Variants in CAMK2D observed in about 807,000 individuals in gnomAD.
The protein encoded by CAMK2D is calcium/calmodulin dependent protein kinase II delta.
In CAMK2D, 37 loss-of-function variants were observed where a neutral mutation model predicts 84.0. That is an observed-to-expected ratio of 0.44 (90% CI 0.34 to 0.58). The LOEUF is 0.58. CAMK2D is among the 20% of genes least tolerant of loss of function. The pLI, the probability that CAMK2D is intolerant of heterozygous loss-of-function variation, is 0.02. For missense variants in CAMK2D, 448 were observed against 652.5 expected (o/e 0.69, Z 3.41); for synonymous variants, 202 against 212.5 (o/e 0.95, Z 0.43).
chr4:113,761,116 G>GAGC lies in CAMK2D; in HGVS notation c.-51_-49dup. 1 of 1,612,256 alleles carries GAGC rather than the reference G, an allele frequency of 6.2e-7. No homozygotes were observed. The highest frequency in any genetic ancestry group is 8.5e-7 in the Non-Finnish European group (1 of 1,179,894). On this transcript the variant is annotated 5_prime_UTR_variant, in exon 1 of 21. Coordinates refer to ENST00000511664, the MANE Select transcript of CAMK2D (RefSeq NM_001321571.2). Reference sequence around the variant, plus strand: ...GCTGGGAGCGCGACGGACCAGAAGCGAGCAGACGCGCGGCTAACCCCGGGA... The same window carrying GAGC: ...GCTGGGAGCGCGACGGACCAGAAGCGAGCAGCAGACGCGCGGCTAACCCCGGGA...
At chr4:113,506,255 A>C (rs1353152032) in intron 13 of CAMK2D, among the ~76,000 whole-genome samples, 2 of 152,168 alleles carry the variant, frequency 1.3e-5, no homozygotes, top group Non-Finnish European at 2.9e-5. Flanking sequence ...AAAGTAACAT[A>C]AATTAATTTA....
chr4:113,752,469 C>A (rs1328951637), intron 2 of CAMK2D, among the ~76,000 whole-genome samples: 11 of 151,908 alleles, frequency 7.2e-5, no homozygotes, highest in African/African-American at 2.2e-4. Flanking sequence ...TAAGAATTTG[C>A]TACATACAAC....
chr4:113,653,334 A>G (rs1026440219), intron 3 of CAMK2D, among the ~76,000 whole-genome samples: 1 of 152,110 alleles, frequency 6.6e-6, no homozygotes, highest in Non-Finnish European at 1.5e-5. Context: ...CTCACCAAAT[A>G]ATCATAATAA....
chr4:113,708,669 G>A (rs1246189776), intron 2 of CAMK2D, among the ~76,000 whole-genome samples: 2 of 152,170 alleles, frequency 1.3e-5, no homozygotes, highest in Non-Finnish European at 2.9e-5. Context: ...ACTCATAAAT[G>A]TGCTATCAAA....
intron 4 of CAMK2D, among the ~76,000 whole-genome samples, chr4:113,582,966 A>G (rs1352656331): frequency 1.3e-5 from 2 of 152,204 alleles, no homozygotes; most frequent in Non-Finnish European, 2.9e-5. Context: ...GGCATTCCCT[A>G]TTGGGGCAGA....
chr4:113,487,597 CAT>C (rs1161461323), intron 16 of CAMK2D, among the ~76,000 whole-genome samples: 1 of 151,886 alleles, frequency 6.6e-6, no homozygotes, highest in Non-Finnish European at 1.5e-5. Flanking sequence ...ACTTTAGAAA[CAT>C]AAAATTTGAC....
chr4:113,741,203 G>A (rs372482814), intron 2 of CAMK2D, among the ~76,000 whole-genome samples: 1 of 152,110 alleles, frequency 6.6e-6, no homozygotes, highest in East Asian at 1.9e-4. Flanking sequence ...TTCAGCAAAG[G>A]AAACTGTGCT....
chr4:113,738,808 A>G (rs1191245858), intron 2 of CAMK2D, among the ~76,000 whole-genome samples: 5 of 152,156 alleles, frequency 3.3e-5, no homozygotes, highest in African/African-American at 1.2e-4. Context: ...AAGGCTATTA[A>G]TCCAGCCTAG....
chr4:113,534,826 G>C (rs2098478976), intron 7 of CAMK2D, among the ~76,000 whole-genome samples: 1 of 152,160 alleles, frequency 6.6e-6, no homozygotes, highest in Non-Finnish European at 1.5e-5. Flanking sequence ...AAAGAGGATA[G>C]TGACCTCACA....
chr4:113,721,576 G>A (rs535708446), intron 2 of CAMK2D, among the ~76,000 whole-genome samples: 1 of 152,228 alleles, frequency 6.6e-6, no homozygotes, highest in East Asian at 1.9e-4. Context: ...GTTCATGTGG[G>A]GACCCACTTG....
In CAMK2D at chr4:113,453,596, A is replaced by T. The variant is rs1389736489; in HGVS notation, c.*949T>A. ...GGCCCTGAAGATGATCAAAAGTGCT[A>T]GTATAGCTACCTTCAAAAGACTTTT... On this transcript the variant is annotated 3_prime_UTR_variant, in exon 21 of 21. Transcript: ENST00000511664. 1 of 152,220 alleles carries T rather than the reference A, an allele frequency of 6.6e-6. No individual in the cohort carries two copies. The highest frequency in any genetic ancestry group is 1.5e-5 in the Non-Finnish European group (1 of 68,034). 9.4% of individuals were successfully genotyped at this position (152,220 alleles called of 1,614,324 possible).
chr4:113,761,507 G>A lies in CAMK2D; in HGVS notation c.-439C>T, dbSNP rs1436242552. 5.8e-6 allele frequency: 6 copies of A among 1,036,510 alleles called. No homozygotes were observed. Among genetic ancestry groups the A allele is most frequent in the South Asian group, 6.7e-5 (2 of 29,710 alleles). The allele number at this position is 1,036,510 out of a possible 1,614,324, so 64.2% of individuals were successfully genotyped here. A position where few individuals can be genotyped will look rare whatever the true frequency, so the allele number is the denominator to read the frequency against. On this transcript the variant is annotated 5_prime_UTR_variant, in exon 1 of 21. Coordinates refer to ENST00000511664, the MANE Select transcript of CAMK2D (RefSeq NM_001321571.2). The stretch of plus-strand genomic sequence containing the variant: ...CAGAGGGGAGGGAGTCCGAGGGGGC[G>A]GAGGTGGAGTGCAGCGGGGCCGAGG...
At chr4:113,693,480 T>A (rs966618507) in intron 2 of CAMK2D, among the ~76,000 whole-genome samples, 11 of 152,090 alleles carry the variant, frequency 7.2e-5, no homozygotes, top group Non-Finnish European at 1.5e-4. Flanking sequence ...CTCCTCAAAC[T>A]CTGATCCTCA....
At chr4:113,456,251 G>A (rs944257626) in intron 19 of CAMK2D, among the ~76,000 whole-genome samples, 1 of 152,156 alleles carries the variant, frequency 6.6e-6, no homozygotes, top group African/African-American at 2.4e-5. Flanking sequence ...TTGAATGGCT[G>A]TTTGTATGAA....
chr4:113,754,669 AG>A, intron 2 of CAMK2D: 1 of 972,372 alleles, frequency 1.0e-6, no homozygotes, highest in Non-Finnish European at 1.2e-6. Context: ...ATTTCCTGGA[AG>A]TGTGGATATA....
chr4:113,616,001 C>T (rs72678768), intron 3 of CAMK2D, among the ~76,000 whole-genome samples: 17,610 of 151,818 alleles, frequency 0.12, 1,305 homozygotes, highest in South Asian at 0.18. Context: ...TTATAAATGC[C>T]AAATAAGTAA....
At chr4:113,710,418 C>T (rs2099488580) in intron 2 of CAMK2D, among the ~76,000 whole-genome samples, 2 of 152,106 alleles carry the variant, frequency 1.3e-5, no homozygotes, top group South Asian at 4.1e-4. Context: ...CTATCTGAGA[C>T]CATGTATTTC....
At chr4:113,731,585 CT>C (rs577555908) in intron 2 of CAMK2D, among the ~76,000 whole-genome samples, 2,837 of 127,664 alleles carry the variant, frequency 0.022, 43 homozygotes, top group African/African-American at 0.064. Flanking sequence ...AGGGTTATTG[CT>C]TTTTTTTTTT....
intron 4 of CAMK2D, among the ~76,000 whole-genome samples, chr4:113,595,685 T>G (rs2098922362): frequency 6.6e-6 from 1 of 152,222 alleles, no homozygotes; most frequent in Non-Finnish European, 1.5e-5. Flanking sequence ...GTTTGCACTA[T>G]ACCATGGTCT....
Sources: gnomAD v4.1 joint callset for allele counts (sites outside exome capture counted in the v4.1 genomes callset) on GRCh38, gnomAD v4.1.1 for gene constraint, MANE v1.5 for transcripts, NCBI Gene and HGNC (gene_info 2026-07-23, HGNC 2026-07-21) for gene names.